EXOC6B: variants seen among roughly 807,000 people sequenced by gnomAD.
The protein encoded by EXOC6B is exocyst complex component 6B, also known as SEC15 homolog B.
Under a neutral mutation model 113.5 loss-of-function variants are expected in EXOC6B, and 54 were observed. That is an observed-to-expected ratio of 0.48 (90% CI 0.38 to 0.60). EXOC6B has a LOEUF of 0.60. Ranked by LOEUF, EXOC6B falls within the 20% of genes least tolerant of loss-of-function variation. EXOC6B has a pLI of 0.00. For synonymous variants in EXOC6B, 357 were observed against 339.0 expected (o/e 1.05, Z -0.58); for missense variants, 797 against 977.5 (o/e 0.82, Z 2.46).
At chr2:72,521,342 G>T (rs373892496) in intron 8 of EXOC6B, among the ~76,000 whole-genome samples, 1 of 152,218 alleles carries the variant, frequency 6.6e-6, no homozygotes, top group East Asian at 1.9e-4. Context: ...AGTCTCTATT[G>T]TTTATAAATT....
chr2:72,512,929 T>C (rs985337088), intron 11 of EXOC6B, among the ~76,000 whole-genome samples: 1 of 152,116 alleles, frequency 6.6e-6, no homozygotes, highest in Admixed American at 6.5e-5. Context: ...GCTATTTTCT[T>C]ATTGCAAAGG....
chr2:72,318,914 T>C (rs555059826), intron 20 of EXOC6B, among the ~76,000 whole-genome samples: 1 of 151,672 alleles, frequency 6.6e-6, no homozygotes, highest in South Asian at 2.1e-4. Flanking sequence ...AAAAAAAACC[T>C]TAAAATCATA....
intron 18 of EXOC6B, among the ~76,000 whole-genome samples, chr2:72,398,437 C>T (rs1419444116): frequency 1.3e-5 from 2 of 152,268 alleles, no homozygotes; most frequent in South Asian, 2.1e-4. Context: ...TGGCTCACAC[C>T]TGTAATCCCA....
chr2:72,374,497 CAATT>C (rs1308349980), intron 19 of EXOC6B, among the ~76,000 whole-genome samples: 3 of 151,864 alleles, frequency 2.0e-5, no homozygotes, highest in Non-Finnish European at 4.4e-5. Context: ...AAAATCAAAA[CAATT>C]AAACTCATGA....
chr2:72,796,453 CAAAA>C (rs61374385), intron 1 of EXOC6B, among the ~76,000 whole-genome samples: 1 of 54,020 alleles, frequency 1.9e-5, no homozygotes. Flanking sequence ...ACTCCATCTC[CAAAA>C]AAAAAAAAAA....
At position 72,179,324 on chromosome 2, in the gene EXOC6B, G is replaced by A. The variant is rs183836867; in HGVS notation, c.*11C>T. On this transcript the variant is annotated 3_prime_UTR_variant, in exon 22 of 22. Transcript: ENST00000272427. ...TGCAGCAGGTCGCCTCTGTGGGTCC[G>A]GGGTCACCCTTCATGAGTGGTGGCT... is the stretch of plus-strand genomic sequence containing the variant. The A allele has an allele frequency of 3.6e-4, 571 of 1,594,154 alleles. 2 individuals are homozygous for A. In the East Asian group the frequency reaches 7.3e-3, roughly 20 times the overall value.
intron 6 of EXOC6B, among the ~76,000 whole-genome samples, chr2:72,698,533 C>G (rs1157210735): frequency 1.3e-5 from 2 of 152,124 alleles, no homozygotes; most frequent in Non-Finnish European, 2.9e-5. Context: ...TATTTCAAGT[C>G]AAAATTAGAA....
intron 6 of EXOC6B, among the ~76,000 whole-genome samples, chr2:72,581,406 T>C (rs1289543834): frequency 1.3e-5 from 2 of 152,204 alleles, no homozygotes; most frequent in Admixed American, 6.5e-5. Flanking sequence ...TATGTTATTG[T>C]CCGTAGGAAT....
intron 20 of EXOC6B, among the ~76,000 whole-genome samples, chr2:72,216,458 T>C (rs1343142235): frequency 1.3e-5 from 2 of 152,214 alleles, no homozygotes; most frequent in Non-Finnish European, 2.9e-5. Flanking sequence ...TTGGTGGGAA[T>C]GTAAATTAGT....
At chr2:72,796,869 C>T (rs946540707) in intron 1 of EXOC6B, among the ~76,000 whole-genome samples, 1 of 152,180 alleles carries the variant, frequency 6.6e-6, no homozygotes, top group African/African-American at 2.4e-5. Flanking sequence ...CAGTATCACT[C>T]CATCCTCAGG....
At chr2:72,421,654 G>A (rs536482611) in intron 18 of EXOC6B, among the ~76,000 whole-genome samples, 45 of 152,350 alleles carry the variant, frequency 3.0e-4, no homozygotes, top group South Asian at 1.4e-3. Context: ...ACTGAGAGGT[G>A]ACAGCGTGCT....
chr2:72,796,011 G>A (rs571070176), intron 1 of EXOC6B, among the ~76,000 whole-genome samples: 8 of 151,882 alleles, frequency 5.3e-5, no homozygotes, highest in South Asian at 2.1e-4. Flanking sequence ...TAGTAGAGAT[G>A]GGGCTTTGCC....
chr2:72,783,390 T>A (rs1215893803), intron 1 of EXOC6B, among the ~76,000 whole-genome samples: 1 of 135,270 alleles, frequency 7.4e-6, no homozygotes, highest in African/African-American at 2.7e-5. Context: ...AGTGGCGCAA[T>A]CTCAACTCAC....
rs1447028172 is a variant in EXOC6B, at chr2:72,352,731, A to T, written c.2123-17711T>A. 2.8e-5 allele frequency among the ~76,000 whole-genome samples: 4 copies of T among 144,928 alleles called. No individual in the cohort carries two copies. The East Asian group carries it at 8.0e-4, about 29-fold the overall frequency. ...AAAGATAAAAGTTAGGACTGTAATCATTTTTTTTTTTTTGAGATGTGTAAG... is the reference window on the plus strand; with the variant it reads ...AAAGATAAAAGTTAGGACTGTAATCTTTTTTTTTTTTTTGAGATGTGTAAG... On this transcript the variant is annotated intron_variant, in intron 19 of 21. Transcript: ENST00000272427.
At chr2:72,791,362 C>T (rs745497713) in intron 1 of EXOC6B, among the ~76,000 whole-genome samples, 6 of 152,032 alleles carry the variant, frequency 3.9e-5, no homozygotes, top group Non-Finnish European at 7.4e-5. Flanking sequence ...TGGGCAACAT[C>T]GTGAGGCCGT....
At chr2:72,342,242 G>A (rs1042320658) in intron 19 of EXOC6B, among the ~76,000 whole-genome samples, 80 of 151,798 alleles carry the variant, frequency 5.3e-4, no homozygotes, top group African/African-American at 1.8e-3. Context: ...TAAGCACAAC[G>A]TTAGAAATGA....
chr2:72,652,044 C>G (rs1419776381), intron 6 of EXOC6B, among the ~76,000 whole-genome samples: 1 of 152,026 alleles, frequency 6.6e-6, no homozygotes, highest in Non-Finnish European at 1.5e-5. Flanking sequence ...TCTGTGATCT[C>G]TAGTTTCAAA....
chr2:72,483,129 A>G (rs1205595019), intron 16 of EXOC6B, among the ~76,000 whole-genome samples: 3 of 152,204 alleles, frequency 2.0e-5, no homozygotes, highest in Non-Finnish European at 4.4e-5. Flanking sequence ...ATCCACCAAA[A>G]TAAGCAATTC....
At chr2:72,449,337 A>AT (rs1348772265) in intron 18 of EXOC6B, among the ~76,000 whole-genome samples, 1 of 151,688 alleles carries the variant, frequency 6.6e-6, no homozygotes, top group African/African-American at 2.4e-5. Flanking sequence ...CGCCCAGCTA[A>AT]TTTTTTTGTA....
Sources: gnomAD v4.1 joint callset for allele counts (sites outside exome capture counted in the v4.1 genomes callset) on GRCh38, gnomAD v4.1.1 for gene constraint, MANE v1.5 for transcripts, NCBI Gene and HGNC (gene_info 2026-07-23, HGNC 2026-07-21) for gene names.